ANKS1A: variants seen among roughly 807,000 people sequenced by gnomAD.
ANKS1A encodes ankyrin repeat and SAM domain-containing protein 1A.
In ANKS1A, 55 loss-of-function variants were observed where a neutral mutation model predicts 120.3. The ratio of observed to expected loss-of-function variants is 0.46; its 90% CI spans 0.37 to 0.57. The LOEUF (loss-of-function observed/expected upper bound fraction) is 0.57, where lower values mean the gene tolerates loss of function less well. Among genes scored for constraint, ANKS1A ranks in the 20% least tolerant of loss-of-function variants. ANKS1A has a pLI of 0.00. For synonymous variants in ANKS1A, 590 were observed against 604.7 expected, an observed-to-expected ratio of 0.98 and a Z score of 0.36; for missense variants, 1,123 against 1,480.3, an observed-to-expected ratio of 0.76 and a Z score of 3.96.
the ANKS1A span, among the ~76,000 whole-genome samples, chr6:35,097,637 GAAAAAA>G: frequency 1.1e-5 from 1 of 89,768 alleles, no homozygotes; most frequent in Middle Eastern, 5.0e-3. Context: ...AAAGCCAAAA[GAAAAAA>G]AAAAAAAAAA....
At chr6:34,957,186 GGA>G (rs1770414481) in intron 1 of ANKS1A, among the ~76,000 whole-genome samples, 1 of 152,174 alleles carries the variant, frequency 6.6e-6, no homozygotes, top group Non-Finnish European at 1.5e-5. Context: ...ATGGGGTTCA[GGA>G]GAGAGCAGAA....
chr6:34,989,394 C>T (rs965531369), intron 9 of ANKS1A, 78 bp downstream of exon 9: 3 of 1,345,088 alleles, frequency 2.2e-6, no homozygotes, highest in Non-Finnish European at 2.1e-6. Context: ...CTTTAAAAGA[C>T]TTTGCTTTCT....
intron 11 of ANKS1A, among the ~76,000 whole-genome samples, chr6:35,031,178 C>T (rs540404121): frequency 1.3e-5 from 2 of 152,148 alleles, no homozygotes; most frequent in South Asian, 4.1e-4. Flanking sequence ...CCTTTTAAAG[C>T]TTTATCCTGT....
At position 35,045,623 on chromosome 6, in the gene ANKS1A, A is replaced by G. The variant is rs73745079; in HGVS notation, c.2011-8476A>G. ...GAAAGCGAGGCTTGAAACAAGCTGG[A>G]CACCATGAATTAGGTGGATAAGGAA... On this transcript the variant is annotated intron_variant, in intron 11 of 23. Coordinates refer to ENST00000360359, the MANE Select transcript of ANKS1A (RefSeq NM_015245.3). Among the ~76,000 whole-genome samples, 854 of 152,338 alleles carry G rather than the reference A, an allele frequency of 5.6e-3. 8 individuals carry two copies. The highest frequency in any genetic ancestry group is 0.017 in the African/African-American group (686 of 41,572).
At chr6:35,063,750 G>A (rs759097507) in intron 13 of ANKS1A, among the ~76,000 whole-genome samples, 19 of 152,174 alleles carry the variant, frequency 1.2e-4, no homozygotes, top group African/African-American at 3.9e-4. Flanking sequence ...AGCAAATAAC[G>A]TAGGTGTCTT....
chr6:35,089,587 G>T lies in ANKS1A; in HGVS notation c.*978G>T. On this transcript the variant is annotated 3_prime_UTR_variant, in exon 24 of 24. Transcript: ENST00000360359. ...TGATTCTCTGAATTATCGGTTTGAC[G>T]GTTACACTTGGCTGCTGGGCCCATC... 1.0e-6 allele frequency: 1 copy of T among 986,540 alleles called. No homozygotes were observed. The highest frequency in any genetic ancestry group is 1.2e-6 in the Non-Finnish European group (1 of 830,466). 61.1% of individuals were successfully genotyped at this position (986,540 alleles called of 1,614,324 possible).
At chr6:35,005,762 A>G (rs1262620271) in intron 10 of ANKS1A, 7 of 449,852 alleles carry the variant, frequency 1.6e-5, no homozygotes, top group Non-Finnish European at 3.1e-5. Context: ...TGCTATAAAG[A>G]ATATTGTTGG....
At chr6:34,968,405 T>C (rs370677637) in intron 2 of ANKS1A, among the ~76,000 whole-genome samples, 279 of 152,278 alleles carry the variant, frequency 1.8e-3, no homozygotes, top group African/African-American at 6.3e-3. Context: ...ACAAGTACTA[T>C]AGGCAATAAG....
At chr6:34,925,920 C>G (rs951097760) in intron 1 of ANKS1A, among the ~76,000 whole-genome samples, 2 of 152,028 alleles carry the variant, frequency 1.3e-5, no homozygotes, top group Non-Finnish European at 2.9e-5. Flanking sequence ...CCTCCCATGA[C>G]CAAGAATTAT....
intron 11 of ANKS1A, among the ~76,000 whole-genome samples, chr6:35,024,719 G>A (rs540482832): frequency 4.6e-5 from 7 of 152,300 alleles, no homozygotes; most frequent in South Asian, 4.1e-4. Flanking sequence ...AAGTGGCCTC[G>A]CCACCTCGCC....
intron 1 of ANKS1A, among the ~76,000 whole-genome samples, chr6:34,957,751 C>T (rs776212028): frequency 2.6e-4 from 39 of 152,200 alleles, no homozygotes; most frequent in Non-Finnish European, 4.7e-4. Context: ...AGGAGGAGAC[C>T]CACAGAGATG....
intron 11 of ANKS1A, among the ~76,000 whole-genome samples, chr6:35,036,330 A>AT (rs1299361946): frequency 3.9e-5 from 6 of 152,170 alleles, no homozygotes; most frequent in African/African-American, 1.2e-4. Context: ...TAGGCAGAAT[A>AT]TTTTTGCTTT....
intron 10 of ANKS1A, among the ~76,000 whole-genome samples, chr6:35,003,880 AAG>A (rs982818715): frequency 2.0e-5 from 3 of 152,178 alleles, no homozygotes; most frequent in Non-Finnish European, 4.4e-5. Flanking sequence ...CAGAAAAGGA[AAG>A]AGAAGCAAAA....
intron 11 of ANKS1A, among the ~76,000 whole-genome samples, chr6:35,037,726 A>G (rs1302692048): frequency 6.6e-6 from 1 of 152,164 alleles, no homozygotes; most frequent in African/African-American, 2.4e-5. Context: ...GCAGCCTAAG[A>G]GAATCCTCAG....
At chr6:35,053,673 G>C (rs558521143) in intron 11 of ANKS1A, among the ~76,000 whole-genome samples, 2 of 152,316 alleles carry the variant, frequency 1.3e-5, no homozygotes, top group South Asian at 4.1e-4. Flanking sequence ...AGGCACTCAG[G>C]GTAGCATGGA....
downstream of ANKS1A, among the ~76,000 whole-genome samples, chr6:35,093,301 A>T (rs1778362127): frequency 6.6e-6 from 1 of 152,158 alleles, no homozygotes; most frequent in South Asian, 2.1e-4. Context: ...AGGAGGAGGG[A>T]GTGCAGGGAG....
In ANKS1A at chr6:34,889,280, A is replaced by C. The variant is rs1364826201; in HGVS notation, c.-123A>C. ...AGTGACGCGCTCGTGGGGAAAAGGC[A>C]GGGAGGGGGTGGTGTCCCCAGCCGG... On this transcript the variant is annotated 5_prime_UTR_variant, in exon 1 of 24. Coordinates refer to ENST00000360359, the MANE Select transcript of ANKS1A (RefSeq NM_015245.3). This position sits in a 1 kb window ranked among gnomAD's most constrained non-coding sequence, Gnocchi z 5.5. 3 of 1,194,298 alleles carry C rather than the reference A, an allele frequency of 2.5e-6. No homozygotes were observed. Among genetic ancestry groups the C allele is most frequent in the South Asian group, 8.5e-5 (2 of 23,418 alleles). The allele number at this position is 1,194,298 out of a possible 1,614,324, so 74.0% of individuals were successfully genotyped here.
rs1034460811 is a variant in ANKS1A at position 35,057,126 on chromosome 6, G to A, written c.2077+2961G>A. Among the ~76,000 whole-genome samples the A allele has an allele frequency of 2.0e-5, 3 of 151,994 alleles. No homozygotes were observed. Among genetic ancestry groups the A allele is most frequent in the African/African-American group, 7.2e-5 (3 of 41,388 alleles). On this transcript the variant is annotated intron_variant, in intron 12 of 23. Coordinates refer to ENST00000360359, the MANE Select transcript of ANKS1A (RefSeq NM_015245.3). The surrounding 1 kb of genome is among the most constrained non-coding windows in gnomAD (Gnocchi z 4.1). Reference sequence around the variant, plus strand: ...CACCACTGGTTTTGCAGAGGCGCCCGCACCCCCCAGCCGAAGGGCACGACC... The same window carrying A: ...CACCACTGGTTTTGCAGAGGCGCCCACACCCCCCAGCCGAAGGGCACGACC...
chr6:34,973,268 A>C (rs189355419), intron 3 of ANKS1A, among the ~76,000 whole-genome samples: 98 of 152,236 alleles, frequency 6.4e-4, no homozygotes, highest in African/African-American at 2.3e-3. Flanking sequence ...TCTCTGCTTG[A>C]TCACTCTTGA....
Sources: gnomAD v4.1 joint callset for allele counts (sites outside exome capture counted in the v4.1 genomes callset) on GRCh38, gnomAD v4.1.1 for gene constraint, Gnocchi (gnomAD v3.1) non-coding constraint, MANE v1.5 for transcripts, NCBI Gene and HGNC (gene_info 2026-07-23, HGNC 2026-07-21) for gene names.